The following COL9A2 variants were observed in gnomAD, a reference collection of about 807,000 sequenced individuals.
The protein encoded by COL9A2 is collagen type IX alpha 2 chain.
Under a neutral mutation model 111.6 loss-of-function variants are expected in COL9A2, and 66 were observed. The observed-to-expected ratio is 0.59, with a 90% CI of 0.48 to 0.73. COL9A2 has a LOEUF of 0.73. Among genes scored for constraint, COL9A2 ranks in the 30% least tolerant of loss-of-function variants. The pLI, the probability that COL9A2 is intolerant of heterozygous loss-of-function variation, is 0.00. For missense variants in COL9A2, 881 were observed against 954.1 expected (o/e 0.92, Z 1.01); for synonymous variants, 353 against 364.1 (o/e 0.97, Z 0.35).
chr1:40,301,518 G>C, intron 31 of COL9A2, 137 bp from the exon 32 acceptor site: 1 of 738,160 alleles, frequency 1.4e-6, no homozygotes. Context: ...CAGAGGCAGA[G>C]ATTCTGTGAT....
In COL9A2 at chr1:40,300,812, C is replaced by T. The variant is rs548912125; in HGVS notation, c.*370G>A. On this transcript the variant is annotated 3_prime_UTR_variant, in exon 32 of 32. Transcript: ENST00000372748. The surrounding 1 kb of genome is among the most constrained non-coding windows in gnomAD (Gnocchi z 4.4). ...GGTGGAACTGTAGCTGGGCAGGGCC[C>T]GGGCCTCCCGAGGTGCCCATGTCCC... The T allele has an allele frequency of 4.4e-4, 96 of 216,620 alleles. No individual in the cohort carries two copies. Among genetic ancestry groups the T allele is most frequent in the Admixed American group, 2.1e-4 (4 of 18,918 alleles). The allele number at this position is 216,620 out of a possible 1,614,324, so 13.4% of individuals were successfully genotyped here.
chr1:40,316,631 G>A lies in COL9A2; in HGVS notation c.75+492C>T, dbSNP rs557636230. 2.2e-6 allele frequency: 1 copy of A among 452,756 alleles called. No homozygotes were observed. The allele number at this position is 452,756 out of a possible 1,614,324, so 28.0% of individuals were successfully genotyped here. A position where few individuals can be genotyped will look rare whatever the true frequency, so the allele number is the denominator to read the frequency against. ...TCGAAACCACACCCAGCACCCGACC[G>A]GGCCCAGTCTCTGCCCTACCCGCGC... On this transcript the variant is annotated intron_variant, in intron 1 of 31. Coordinates refer to ENST00000372748, the MANE Select transcript of COL9A2 (RefSeq NM_001852.4). The surrounding 1 kb of genome is among the most constrained non-coding windows in gnomAD (Gnocchi z 5.5).
chr1:40,314,249 C>G lies in COL9A2; in HGVS notation c.205G>C (p.Gly69Arg). 1 of 1,614,262 alleles carries G rather than the reference C, an allele frequency of 6.2e-7. No homozygotes were observed. Among genetic ancestry groups the G allele is most frequent in the Non-Finnish European group, 8.5e-7 (1 of 1,180,046 alleles). The change falls in exon 4 of 32, where the codon GGC (glycine) becomes CGC (arginine). Residue 69 changes from glycine (G) to arginine (R), a missense_variant. Coordinates refer to ENST00000372748, the MANE Select transcript of COL9A2 (RefSeq NM_001852.4). The surrounding 1 kb of genome is among the most constrained non-coding windows in gnomAD (Gnocchi z 4.1). Reference sequence around the variant, plus strand: ...TCTGGCCCATCTGGCCCAGCTTTGCCAGGCTCGCCCTTGGGTCCCTTGAAA... The same window carrying G: ...TCTGGCCCATCTGGCCCAGCTTTGCGAGGCTCGCCCTTGGGTCCCTTGAAA... ...AGPPGPKGEP[G>R]KAGPDGPDGK...
rs750443491 is a variant in COL9A2, at chr1:40,311,615, TCTC to T, written c.471+44_471+46del. On this transcript the variant is annotated intron_variant, in intron 9 of 31. Coordinates refer to ENST00000372748, the MANE Select transcript of COL9A2 (RefSeq NM_001852.4). This position sits in a 1 kb window ranked among gnomAD's most constrained non-coding sequence, Gnocchi z 5.1. ...CGCCGCAGGCTTGCTCAAAGACCCT[TCTC>T]CTTCCCCTGCACTTTGCCATGTCGG... 8 of 1,612,962 alleles carry T rather than the reference TCTC, an allele frequency of 5.0e-6. No individual in the cohort carries two copies. The highest frequency in any genetic ancestry group is 3.3e-4 in the Middle Eastern group (2 of 6,084).
chr1:40,309,109 C>T (rs1356059981), intron 16 of COL9A2, among the ~76,000 whole-genome samples: 5 of 152,002 alleles, frequency 3.3e-5, no homozygotes, highest in African/African-American at 4.8e-5. Context: ...AGCATGGTGG[C>T]GCATGCCTGT....
Position 40,311,092 on chromosome 1 carries a change from C to T in COL9A2, c.630+1G>A, listed in dbSNP as rs1644115857. 6.8e-6 allele frequency: 11 copies of T among 1,614,078 alleles called. No homozygotes were observed. The highest frequency in any genetic ancestry group is 9.3e-6 in the Non-Finnish European group (11 of 1,180,022). ...CCACAGCCCTCAGCCCTTGCACTCA[C>T]CGGCTTCCCCTGGTGGCCAGGATCA... is the stretch of plus-strand genomic sequence containing the variant. On this transcript the variant is annotated splice_donor_variant, in intron 12 of 31. Coordinates refer to ENST00000372748, the MANE Select transcript of COL9A2 (RefSeq NM_001852.4). LOFTEE classifies it high-confidence loss of function. This position sits in a 1 kb window ranked among gnomAD's most constrained non-coding sequence, Gnocchi z 5.1.
In COL9A2 at chr1:40,302,981, T is replaced by C; in HGVS notation, c.1603+150A>G. 9.3e-7 allele frequency: 1 copy of C among 1,076,856 alleles called. No homozygotes were observed. Among genetic ancestry groups the C allele is most frequent in the Non-Finnish European group, 1.4e-6 (1 of 728,722 alleles). 66.7% of individuals were successfully genotyped at this position (1,076,856 alleles called of 1,614,324 possible). On this transcript the variant is annotated intron_variant, in intron 29 of 31. Transcript: ENST00000372748. This position sits in a 1 kb window ranked among gnomAD's most constrained non-coding sequence, Gnocchi z 4.5. ...AAGTCAAAGGCCCAGAGTGACTTAT[T>C]CAAGGTCCCAAAACCCTTCAGAGAC...
Position 40,304,555 on chromosome 1 carries a change from C to A in COL9A2, c.1162-26G>T, listed in dbSNP as rs947584092. 5 of 1,613,710 alleles carry A rather than the reference C, an allele frequency of 3.1e-6. No individual in the cohort carries two copies. The African/African-American group carries it at 6.7e-5, about 22-fold the overall frequency. ...CTGAAATGGAAAGAGAAGGTCACAA[C>A]CTCAGCAGCTCTCAGCAGGGGTAGC... On this transcript the variant is annotated intron_variant, in intron 22 of 31. Transcript: ENST00000372748.
rs879772871 is a variant in COL9A2 at position 40,308,245 on chromosome 1, C to T, written c.847G>A (p.Gly283Ser). 79 of 1,613,812 alleles carry T rather than the reference C, an allele frequency of 4.9e-5. No individual in the cohort carries two copies. Among genetic ancestry groups the T allele is most frequent in the Non-Finnish European group, 6.4e-5 (76 of 1,179,950 alleles). The change falls in exon 17 of 32, where the codon GGC becomes AGC. Residue 283 changes from glycine (G) to serine (S), a missense_variant and splice_region_variant. Physicochemically the swap from Gly to Ser is moderately conservative, Grantham distance 56. Coordinates refer to ENST00000372748, the MANE Select transcript of COL9A2 (RefSeq NM_001852.4). ...TGGGGTCCACGAATACCTGGGCTGC[C>T]CTGCAAAGCGGAGAGAGATCAGGTC... The part of the protein sequence containing the change: ...PGRAGEKGDE[G>S]SPGIRGPQGI...
Position 40,303,753 on chromosome 1 carries a change from G to GGAAGGGAGTGGGGCCGGGA in COL9A2, c.1401+53_1401+54insTCCCGGCCCCACTCCCTTC, listed in dbSNP as rs1553182622. 1 of 1,498,582 alleles carries GGAAGGGAGTGGGGCCGGGA rather than the reference G, an allele frequency of 6.7e-7. No individual in the cohort carries two copies. Among genetic ancestry groups the GGAAGGGAGTGGGGCCGGGA allele is most frequent in the African/African-American group, 1.8e-5 (1 of 56,440 alleles). The allele number at this position is 1,498,582 out of a possible 1,614,324, so 92.8% of individuals were successfully genotyped here. A position where few individuals can be genotyped will look rare whatever the true frequency, so the allele number is the denominator to read the frequency against. On this transcript the variant is annotated intron_variant, in intron 27 of 31. Coordinates refer to ENST00000372748, the MANE Select transcript of COL9A2 (RefSeq NM_001852.4). The surrounding 1 kb of genome is among the most constrained non-coding windows in gnomAD (Gnocchi z 4.6). Reference sequence around the variant, plus strand: ...GGCGAGAGTGGGGGGTGGGGGTCGAGGAAGGGAGTGGCCGCCCAGGAAAGT... The same window carrying GGAAGGGAGTGGGGCCGGGA: ...GGCGAGAGTGGGGGGTGGGGGTCGAGGAAGGGAGTGGGGCCGGGAGAAGGGAGTGGCCGCCCAGGAAAGT...
intron 31 of COL9A2, 40 bp from the exon 32 acceptor site, chr1:40,301,421 T>G: frequency 6.4e-7 from 1 of 1,560,824 alleles, no homozygotes; most frequent in Non-Finnish European, 8.7e-7. Flanking sequence ...GGGCACCTCT[T>G]GTCTCAGGCC....
chr1:40,309,212 C>T (rs760913804), intron 16 of COL9A2, among the ~76,000 whole-genome samples: 1 of 151,970 alleles, frequency 6.6e-6, no homozygotes, highest in Non-Finnish European at 1.5e-5. Context: ...TGCACTCCAG[C>T]CTGGGCAACA....
chr1:40,303,572 C>A lies in COL9A2; in HGVS notation c.1506G>T (p.Gly502=), dbSNP rs748592650. The A allele has an allele frequency of 6.2e-7, 1 of 1,610,892 alleles. No individual in the cohort carries two copies. Among genetic ancestry groups the A allele is most frequent in the Admixed American group, 1.7e-5 (1 of 59,836 alleles). ...CGGGCTGTCCTGGCACGCCTCGGTTCCCGGCCAGTCCTCGAGGGCCGGGGG... is the reference window on the plus strand; with the variant it reads ...CGGGCTGTCCTGGCACGCCTCGGTTACCGGCCAGTCCTCGAGGGCCGGGGG... ...PGPPGPRGLA[G]NRGVPGQPGR... is the part of the protein sequence containing the mutation. Residue 502 remains glycine (G), a synonymous_variant, in exon 28 of 32, where the codon GGG becomes GGT. Coordinates refer to ENST00000372748, the MANE Select transcript of COL9A2 (RefSeq NM_001852.4). This position sits in a 1 kb window ranked among gnomAD's most constrained non-coding sequence, Gnocchi z 4.6.
intron 30 of COL9A2, 81 bp from the exon 31 acceptor site, chr1:40,301,970 A>G (rs1643921653): frequency 1.5e-6 from 2 of 1,371,918 alleles, no homozygotes; most frequent in African/African-American, 2.9e-5. Flanking sequence ...TCACGCAAAG[A>G]AATTATTCCT....
Position 40,301,087 on chromosome 1 carries a change from A to G in COL9A2, c.*95T>C. ...TCCCAGACAGAAGGTCCTGGGGGAG[A>G]TGGTTTCCTGGACTGGGGATGGGTG... On this transcript the variant is annotated 3_prime_UTR_variant, in exon 32 of 32. Coordinates refer to ENST00000372748, the MANE Select transcript of COL9A2 (RefSeq NM_001852.4). 7.6e-7 allele frequency: 1 copy of G among 1,318,082 alleles called. No individual in the cohort carries two copies. 81.6% of individuals were successfully genotyped at this position (1,318,082 alleles called of 1,614,324 possible). A position where few individuals can be genotyped will look rare whatever the true frequency, so the allele number is the denominator to read the frequency against.
Position 40,302,895 on chromosome 1 carries a change from G to A in COL9A2, c.1604-86C>T. 1 of 1,368,180 alleles carries A rather than the reference G, an allele frequency of 7.3e-7. No individual in the cohort carries two copies. The highest frequency in any genetic ancestry group is 1.0e-6 in the Non-Finnish European group (1 of 992,616). 84.8% of individuals were successfully genotyped at this position (1,368,180 alleles called of 1,614,324 possible). On this transcript the variant is annotated intron_variant, in intron 29 of 31. Transcript: ENST00000372748. This position sits in a 1 kb window ranked among gnomAD's most constrained non-coding sequence, Gnocchi z 4.5. ...CTAGGGGAGGCAGAGCATTCCGATG[G>A]GCCCTGGCCCCTAGGTTTGCAGACA...
Position 40,303,162 on chromosome 1 carries a change from GTGC to G in COL9A2, c.1569_1571del (p.Gln523del). The G allele has an allele frequency of 6.2e-7, 1 of 1,612,596 alleles. No individual in the cohort carries two copies. On this transcript the variant is annotated inframe_deletion, in exon 29 of 32. Coordinates refer to ENST00000372748, the MANE Select transcript of COL9A2 (RefSeq NM_001852.4). This position sits in a 1 kb window ranked among gnomAD's most constrained non-coding sequence, Gnocchi z 4.6. ...GCATCTTCAGCGCCACATCCACGAT[GTGC>G]TGGTCAGTGGCATCCCGGCCCTGAA...
rs1644234436 is a variant in COL9A2 at position 40,317,251 on chromosome 1, C to A, written c.-54G>T. 1 of 1,376,780 alleles carries A rather than the reference C, an allele frequency of 7.3e-7. No homozygotes were observed. The highest frequency in any genetic ancestry group is 1.5e-5 in the African/African-American group (1 of 68,512). 85.3% of individuals were successfully genotyped at this position (1,376,780 alleles called of 1,614,324 possible). A position where few individuals can be genotyped will look rare whatever the true frequency, so the allele number is the denominator to read the frequency against. ...TGCGTGTCCGCGCACGCACCGACGG[C>A]AGAGTCTCCCGGCGCTCCTCCAGCG... On this transcript the variant is annotated 5_prime_UTR_variant, in exon 1 of 32. Transcript: ENST00000372748. This position sits in a 1 kb window ranked among gnomAD's most constrained non-coding sequence, Gnocchi z 4.3.
rs1336296822 is a variant in COL9A2, at chr1:40,300,642, G to C, written c.*540C>G. On this transcript the variant is annotated 3_prime_UTR_variant, in exon 32 of 32. Transcript: ENST00000372748. This position sits in a 1 kb window ranked among gnomAD's most constrained non-coding sequence, Gnocchi z 4.4. ...GAGATGATGTTTAAATACTGAGCTGGGAGGCAGGGAAGGAAGTAGTGGGGC... is the reference window on the plus strand; with the variant it reads ...GAGATGATGTTTAAATACTGAGCTGCGAGGCAGGGAAGGAAGTAGTGGGGC... 1 of 153,488 alleles carries C rather than the reference G, an allele frequency of 6.5e-6. No homozygotes were observed. The highest frequency in any genetic ancestry group is 1.4e-5 in the Non-Finnish European group (1 of 69,302). 9.5% of individuals were successfully genotyped at this position (153,488 alleles called of 1,614,324 possible). A position where few individuals can be genotyped will look rare whatever the true frequency, so the allele number is the denominator to read the frequency against.
Sources: gnomAD v4.1 joint callset for allele counts (sites outside exome capture counted in the v4.1 genomes callset) on GRCh38, gnomAD v4.1.1 for gene constraint, Gnocchi (gnomAD v3.1) non-coding constraint, MANE v1.5 for transcripts, NCBI Gene and HGNC (gene_info 2026-07-23, HGNC 2026-07-21) for gene names.